The following DOT1L variants were observed in gnomAD, a reference collection of about 807,000 sequenced individuals.
The protein encoded by DOT1L is histone-lysine N-methyltransferase, H3 lysine-79 specific.
Under a neutral mutation model 153.3 loss-of-function variants are expected in DOT1L, and 33 were observed. The observed-to-expected ratio is 0.22, with a 90% confidence interval of 0.16 to 0.29. The LOEUF (loss-of-function observed/expected upper bound fraction) is 0.29. Ranked by LOEUF, DOT1L falls within the 10% of genes least tolerant of loss-of-function variation. DOT1L has a pLI of 1.00. For synonymous variants in DOT1L, 1,135 were observed against 965.1 expected (o/e 1.18, Z -3.26); for missense variants, 1,847 against 2,119.9 (o/e 0.87, Z 2.53).
Position 2,225,465 on chromosome 19 carries a change from T to C in DOT1L, c.3661+13T>C. The C allele has an allele frequency of 6.2e-7, 1 of 1,613,732 alleles. No individual in the cohort carries two copies. The highest frequency in any genetic ancestry group is 1.1e-5 in the South Asian group (1 of 91,062). On this transcript the variant is annotated intron_variant, in intron 26 of 27. Coordinates refer to ENST00000398665, the MANE Select transcript of DOT1L (RefSeq NM_032482.3). The stretch of plus-strand genomic sequence containing the variant: ...ACCTTGGAAAATGGTGAGTAACAAG[T>C]GTTTTGCGGCGTGGCCAGGCCTGTC...
Position 2,190,418 on chromosome 19 carries a change from C to G in DOT1L, c.265-594C>G, listed in dbSNP as rs545198064. 4.6e-5 allele frequency among the ~76,000 whole-genome samples: 7 copies of G among 152,166 alleles called. 1 individual carries two copies. The South Asian group carries it at 1.5e-3, about 32-fold the overall frequency. ...GTGGGGGTGGCATGGGCTCACTTGG[C>G]CCTCCTGAGTGGGACTGGGCTGGGC... On this transcript the variant is annotated intron_variant, in intron 4 of 27. Coordinates refer to ENST00000398665, the MANE Select transcript of DOT1L (RefSeq NM_032482.3). This position sits in a 1 kb window ranked among gnomAD's most constrained non-coding sequence, Gnocchi z 4.8.
chr19:2,182,773 G>A (rs931911730), intron 2 of DOT1L, among the ~76,000 whole-genome samples: 6 of 152,326 alleles, frequency 3.9e-5, no homozygotes, highest in Admixed American at 3.3e-4. Flanking sequence ...GGAGACCCCA[G>A]GCCCCCGGAT....
chr19:2,185,987 G>A, intron 3 of DOT1L, 58 bp downstream of exon 3: 2 of 1,519,306 alleles, frequency 1.3e-6, no homozygotes, highest in Non-Finnish European at 1.8e-6. Context: ...TCTTGGGGAG[G>A]ACAGGAGGAC....
chr19:2,173,243 T>C (rs1430846366), intron 1 of DOT1L, among the ~76,000 whole-genome samples: 1 of 152,000 alleles, frequency 6.6e-6, no homozygotes, highest in Non-Finnish European at 1.5e-5. Flanking sequence ...CTTTCCTCCT[T>C]CCCTGTCACG....
At position 2,211,166 on chromosome 19, in the gene DOT1L, C is replaced by T; in HGVS notation, c.1419C>T (p.Asn473=). ...LPPSVQRHSP[N]PLLVAPTPPA... Reference sequence around the variant, plus strand: ...CGAGCGTGCAGCGGCACTCCCCCAACCCGCTGCTGGTGGCGCCCACCCCGC... The same window carrying T: ...CGAGCGTGCAGCGGCACTCCCCCAATCCGCTGCTGGTGGCGCCCACCCCGC... Residue 473 remains asparagine (N), a synonymous_variant, in exon 15 of 28, where the codon AAC becomes AAT. Transcript: ENST00000398665. 1 of 1,612,600 alleles carries T rather than the reference C, an allele frequency of 6.2e-7. No homozygotes were observed. The highest frequency in any genetic ancestry group is 8.5e-7 in the Non-Finnish European group (1 of 1,179,618).
rs558222099 is a variant in DOT1L at position 2,173,633 on chromosome 19, C to A, written c.82-7080C>A. 7.7e-4 allele frequency among the ~76,000 whole-genome samples: 118 copies of A among 152,344 alleles called. 1 individual carries two copies. The highest frequency in any genetic ancestry group is 2.7e-3 in the African/African-American group (114 of 41,586). On this transcript the variant is annotated intron_variant, in intron 1 of 27. Transcript: ENST00000398665. ...GTGCCATCCGACCACCCTTCAAGCCCAGCCTGCTCACCGGCCCTCTCAGTA... is the reference window on the plus strand; with the variant it reads ...GTGCCATCCGACCACCCTTCAAGCCAAGCCTGCTCACCGGCCCTCTCAGTA...
At chr19:2,168,307 A>T in intron 1 of DOT1L, among the ~76,000 whole-genome samples, 1 of 152,196 alleles carries the variant, frequency 6.6e-6, no homozygotes, top group East Asian at 1.9e-4. Context: ...ATCTCTACCA[A>T]AAAATTTAAA....
rs1367682459 is a variant in DOT1L, at chr19:2,232,458, T to C, written c.*2666T>C. The C allele has an allele frequency of 4.6e-6, 1 of 218,284 alleles. No individual in the cohort carries two copies. Among genetic ancestry groups the C allele is most frequent in the Admixed American group, 5.8e-5 (1 of 17,262 alleles). The allele number at this position is 218,284 out of a possible 1,614,324, so 13.5% of individuals were successfully genotyped here. On this transcript the variant is annotated 3_prime_UTR_variant, in exon 28 of 28. Transcript: ENST00000398665. ...TGCCGTGTCTTCCGGGTGAACTGTATTTGGATTGCGCGCATTGTCACGGTC... is the reference window on the plus strand; with the variant it reads ...TGCCGTGTCTTCCGGGTGAACTGTACTTGGATTGCGCGCATTGTCACGGTC...
intron 7 of DOT1L, 114 bp downstream of exon 7, chr19:2,194,691 T>G: frequency 2.0e-6 from 1 of 488,216 alleles, no homozygotes; most frequent in Non-Finnish European, 3.1e-6. Flanking sequence ...GCACATGGTG[T>G]GCCCCCTGGA....
intron 27 of DOT1L, chr19:2,227,818 C>A: frequency 1.5e-6 from 2 of 1,300,036 alleles, no homozygotes; most frequent in Non-Finnish European, 2.0e-6. Flanking sequence ...TGTGGCAGCG[C>A]CACACTGGGC....
chr19:2,169,376 G>T (rs376921584), intron 1 of DOT1L, among the ~76,000 whole-genome samples: 2 of 152,184 alleles, frequency 1.3e-5, no homozygotes, highest in African/African-American at 4.8e-5. Context: ...CAAGTGTTCC[G>T]TTTTATAGCA....
At position 2,216,412 on chromosome 19, in the gene DOT1L, T is replaced by C; in HGVS notation, c.2055T>C (p.Pro685=). The part of the protein sequence containing the change: ...GKGALGRELE[P]DASRLHLELD... ...GCGCCCTGGGCCGCGAGCTGGAGCC[T>C]GACGCCAGCCGGCTGCACCTGGAGC... is the stretch of plus-strand genomic sequence containing the variant. The change falls in exon 20 of 28, where the codon CCT becomes CCC. Residue 685 remains proline, a synonymous_variant. Transcript: ENST00000398665. 1 of 1,612,500 alleles carries C rather than the reference T, an allele frequency of 6.2e-7. No individual in the cohort carries two copies. The highest frequency in any genetic ancestry group is 1.1e-5 in the South Asian group (1 of 91,076).
intron 12 of DOT1L, 71 bp downstream of exon 12, chr19:2,209,047 C>T (rs143881128): frequency 9.2e-5 from 142 of 1,548,642 alleles, no homozygotes; most frequent in Admixed American, 2.9e-4. Context: ...CAAAGCCGTG[C>T]GCAGCCGGGT....
chr19:2,188,924 C>T (rs2022669571), intron 3 of DOT1L, among the ~76,000 whole-genome samples: 1 of 152,172 alleles, frequency 6.6e-6, no homozygotes, highest in Non-Finnish European at 1.5e-5. Context: ...ACGTGCCCCA[C>T]AGACAGTGGG....
chr19:2,200,088 C>A, intron 8 of DOT1L, 149 bp downstream of exon 8: 1 of 1,061,820 alleles, frequency 9.4e-7, no homozygotes, highest in Non-Finnish European at 1.3e-6. Context: ...GCGCCTTTCC[C>A]TCACGCTGGG....
At chr19:2,188,572 CT>C (rs1392209549) in intron 3 of DOT1L, among the ~76,000 whole-genome samples, 1 of 150,186 alleles carries the variant, frequency 6.7e-6, no homozygotes, top group African/African-American at 2.5e-5. Flanking sequence ...GTCCTGGGCA[CT>C]GCAGGGTGCC....
Position 2,223,420 on chromosome 19 carries a change from G to A in DOT1L, c.3530G>A (p.Gly1177Glu), listed in dbSNP as rs1271868009. Reference sequence around the variant, plus strand: ...GAGCGGCCTCTGAGCCAGACCAATGGGGCACACTACTCCCCACTCACCTCA... The same window carrying A: ...GAGCGGCCTCTGAGCCAGACCAATGAGGCACACTACTCCCCACTCACCTCA... ...KKERPLSQTN[G>E]AHYSPLTSDE... The change falls in exon 25 of 28, where the codon GGG becomes GAG. Residue 1177 changes from glycine to glutamate, a missense_variant. This residue lies in a region of DOT1L where 934 missense variants were observed against 825.3 expected (regional missense o/e 1.13). Coordinates refer to ENST00000398665, the MANE Select transcript of DOT1L (RefSeq NM_032482.3). 1 of 1,613,562 alleles carries A rather than the reference G, an allele frequency of 6.2e-7. No homozygotes were observed. Among genetic ancestry groups the A allele is most frequent in the South Asian group, 1.1e-5 (1 of 91,064 alleles).
At position 2,225,408 on chromosome 19, in the gene DOT1L, C is replaced by T; in HGVS notation, c.3617C>T (p.Thr1206Ile). The stretch of plus-strand genomic sequence containing the variant: ...AACAGAATTGAGAGAAAAATTGCAA[C>T]AATCTCCTTAGAAAGCAAATCTCCC... ...SSARIERKIA[T>I]ISLESKSPPK... The change falls in exon 26 of 28, where the codon ACA becomes ATA. Residue 1206 changes from threonine to isoleucine, a missense_variant. Thr to Ile is a moderately conservative substitution (Grantham distance 89). Around this residue, in one of 8 missense-constraint regions of DOT1L, gnomAD observed 934 missense variants for 825.3 expected, o/e 1.13. Transcript: ENST00000398665. The T allele has an allele frequency of 2.5e-6, 4 of 1,614,134 alleles. No individual in the cohort carries two copies. The highest frequency in any genetic ancestry group is 1.7e-5 in the Admixed American group (1 of 60,028).
At chr19:2,170,725 C>G (rs2021571549) in intron 1 of DOT1L, among the ~76,000 whole-genome samples, 1 of 152,180 alleles carries the variant, frequency 6.6e-6, no homozygotes, top group African/African-American at 2.4e-5. Context: ...ATTACATTGC[C>G]TCAGTGGCTC....
Sources: gnomAD v4.1 joint callset for allele counts (sites outside exome capture counted in the v4.1 genomes callset) on GRCh38, gnomAD v4.1.1 for gene constraint, gnomAD v4.1.1 regional missense constraint, Gnocchi (gnomAD v3.1) non-coding constraint, MANE v1.5 for transcripts, NCBI Gene and HGNC (gene_info 2026-07-23, HGNC 2026-07-21) for gene names.